FAM133B: variants seen among roughly 807,000 people sequenced by gnomAD.
FAM133B encodes the protein protein FAM133B.
A neutral mutation model predicts 46.4 loss-of-function variants in FAM133B; 25 were observed. The ratio of observed to expected loss-of-function variants is 0.54; its 90% CI spans 0.39 to 0.75. FAM133B has a LOEUF of 0.75. Ranked by LOEUF, FAM133B falls within the 30% of genes least tolerant of loss-of-function variation. FAM133B has a pLI of 0.00. For synonymous variants in FAM133B, 75 were observed against 86.0 expected (o/e 0.87, Z 0.71); for missense variants, 205 against 277.6 (o/e 0.74, Z 1.86).
At chr7:92,590,035 G>C in intron 1 of FAM133B, 1 of 605,538 alleles carries the variant, frequency 1.7e-6, no homozygotes, top group Admixed American at 3.0e-5. Context: ...GCCAGAAAGA[G>C]CGACGAGGTG....
At chr7:92,581,427 T>C in intron 2 of FAM133B, 79 bp downstream of exon 2, 1 of 1,194,050 alleles carries the variant, frequency 8.4e-7, no homozygotes, top group Admixed American at 2.3e-5. Flanking sequence ...TGGTAATCAA[T>C]AAAATCAATT....
intron 10 of FAM133B, among the ~76,000 whole-genome samples, chr7:92,563,996 CTTTG>C (rs774829843): frequency 6.6e-6 from 1 of 152,326 alleles, no homozygotes; most frequent in Admixed American, 6.5e-5. Flanking sequence ...TAGGTCACCT[CTTTG>C]TTTAAAACCC....
chr7:92,573,448 C>T (rs1794598135), intron 8 of FAM133B, among the ~76,000 whole-genome samples: 1 of 149,138 alleles, frequency 6.7e-6, no homozygotes, highest in South Asian at 2.1e-4. Context: ...AGCCATTGTG[C>T]CCAGTCTTTT....
At chr7:92,585,947 C>T (rs1232784107) in intron 1 of FAM133B, among the ~76,000 whole-genome samples, 1 of 152,112 alleles carries the variant, frequency 6.6e-6, no homozygotes, top group African/African-American at 2.4e-5. Flanking sequence ...AATGCAGTGG[C>T]AATTTTTCAT....
intron 8 of FAM133B, among the ~76,000 whole-genome samples, chr7:92,572,917 T>C (rs879320292): frequency 9.2e-5 from 14 of 152,004 alleles, no homozygotes; most frequent in South Asian, 2.1e-4. Flanking sequence ...TCAGTAAGGA[T>C]AGATGTCAAC....
intron 2 of FAM133B, among the ~76,000 whole-genome samples, chr7:92,581,124 G>C (rs895998513): frequency 1.3e-5 from 2 of 152,202 alleles, no homozygotes; most frequent in Non-Finnish European, 2.9e-5. Context: ...TCATTGAAAA[G>C]CTGGCAGATA....
intron 1 of FAM133B, chr7:92,589,888 G>C: frequency 4.2e-6 from 1 of 235,588 alleles, no homozygotes; most frequent in Non-Finnish European, 8.3e-6. Flanking sequence ...AGGGGCGGGT[G>C]AGTCGGATGC....
rs535505902 is a variant in FAM133B, at chr7:92,590,329, A to G, written c.-38T>C. On this transcript the variant is annotated 5_prime_UTR_variant, in exon 1 of 11. Transcript: ENST00000445716. ...AGCGCACAGTAGCACGCCGAGGGAA[A>G]CCGGGCCGGAGAGACTGCCGAAGAG... The G allele has an allele frequency of 1.4e-4, 225 of 1,612,606 alleles. No individual in the cohort carries two copies. In the African/African-American group the frequency reaches 2.6e-3, roughly 19 times the overall value.
Position 92,562,310 on chromosome 7 carries a change from G to A in FAM133B, c.716C>T (p.Ala239Val), listed in dbSNP as rs1282950500. 6.5e-7 allele frequency: 1 copy of A among 1,534,374 alleles called. No homozygotes were observed. The highest frequency in any genetic ancestry group is 1.4e-5 in the African/African-American group (1 of 72,938). The change falls in exon 11 of 11, where the codon GCT (alanine) becomes GTT (valine). Residue 239 changes from alanine to valine, a missense_variant. By Grantham distance (64) the Ala-to-Val change is moderately conservative (BLOSUM62 0). Coordinates refer to ENST00000445716, the MANE Select transcript of FAM133B (RefSeq NM_152789.4). ...KKHSKKKKKK[A>V]ASSSPDSP is the part of the protein sequence containing the mutation. ...TGGTGAGTCAGGACTTGAACTAGCA[G>A]CCTTCTTTTTCTTCTTCTTACTGTG...
chr7:92,587,384 G>A (rs1265266179), intron 1 of FAM133B, among the ~76,000 whole-genome samples: 1 of 152,166 alleles, frequency 6.6e-6, no homozygotes, highest in African/African-American at 2.4e-5. Flanking sequence ...CACACTTGGG[G>A]ACAGGGGTGG....
chr7:92,578,497 C>T (rs916424540), intron 3 of FAM133B, 104 bp from the exon 4 acceptor site: 34 of 980,718 alleles, frequency 3.5e-5, no homozygotes, highest in Non-Finnish European at 4.8e-5. Context: ...CTTAATACCT[C>T]TCACCCATTT....
intron 7 of FAM133B, 92 bp downstream of exon 7, chr7:92,577,011 A>T (rs1408021216): frequency 1.5e-6 from 1 of 670,076 alleles, no homozygotes; most frequent in Non-Finnish European, 2.3e-6. Flanking sequence ...CAAATATCAG[A>T]CTATCTTATT....
intron 1 of FAM133B, chr7:92,590,052 G>A (rs1400145553): frequency 1.6e-6 from 1 of 630,218 alleles, no homozygotes; most frequent in Non-Finnish European, 2.7e-6. Context: ...GGTGAGGGAA[G>A]AAAAAAGGGG....
chr7:92,578,389 C>G lies in FAM133B; in HGVS notation c.206G>C (p.Trp69Ser). Reference protein sequence around the residue: ...AEFEEKMNENWKKELEKHREK... With the variant: ...AEFEEKMNENSKKELEKHREK... ...CCTGTGTTTTTCCAGTTCTTTCTTCCAGTTCTGCAAAAAGGTTATGAACAC... is the reference window on the plus strand; with the variant it reads ...CCTGTGTTTTTCCAGTTCTTTCTTCGAGTTCTGCAAAAAGGTTATGAACAC... The change falls in exon 4 of 11, where the codon TGG (tryptophan) becomes TCG (serine). Residue 69 changes from tryptophan (W) to serine (S), a missense_variant. Coordinates refer to ENST00000445716, the MANE Select transcript of FAM133B (RefSeq NM_152789.4). The G allele has an allele frequency of 6.2e-7, 1 of 1,612,378 alleles. No individual in the cohort carries two copies. The highest frequency in any genetic ancestry group is 8.5e-7 in the Non-Finnish European group (1 of 1,179,200).
intron 5 of FAM133B, 125 bp downstream of exon 5, chr7:92,578,025 C>G: frequency 1.2e-6 from 1 of 836,430 alleles, no homozygotes; most frequent in South Asian, 1.8e-5. Flanking sequence ...AATCAAAGAA[C>G]CTCTAAGTTC....
At chr7:92,589,773 G>A (rs1179121334) in intron 1 of FAM133B, 1 of 156,280 alleles carries the variant, frequency 6.4e-6, no homozygotes, top group Non-Finnish European at 1.4e-5. Flanking sequence ...GCTAAAACCA[G>A]GCGCGCTGCT....
intron 2 of FAM133B, 75 bp downstream of exon 2, chr7:92,581,431 A>C: frequency 8.1e-7 from 1 of 1,238,428 alleles, no homozygotes; most frequent in Non-Finnish European, 1.1e-6. Context: ...AATCAATAAA[A>C]TCAATTAAAG....
intron 1 of FAM133B, 115 bp downstream of exon 1, chr7:92,590,152 GC>G: frequency 6.6e-7 from 1 of 1,516,064 alleles, no homozygotes; most frequent in South Asian, 1.2e-5. Context: ...GGGTCTCCAG[GC>G]CCCACGTCTG....
intron 1 of FAM133B, among the ~76,000 whole-genome samples, chr7:92,586,990 T>C (rs2116427420): frequency 6.6e-6 from 1 of 152,350 alleles, no homozygotes; most frequent in Admixed American, 6.5e-5. Flanking sequence ...TGGGTGATGA[T>C]AATGTGTCGA....
Sources: allele counts gnomAD v4.1 joint callset (sites outside exome capture counted in the v4.1 genomes callset), GRCh38; gene constraint gnomAD v4.1.1; transcripts MANE v1.5; gene names NCBI Gene and HGNC (gene_info 2026-07-23, HGNC 2026-07-21).